Variants in DNAH11 observed in about 807,000 individuals in gnomAD.
The protein encoded by DNAH11 is axonemal beta dynein heavy chain 11.
Under a neutral mutation model 526.0 loss-of-function variants are expected in DNAH11, and 442 were observed. The observed-to-expected ratio is 0.84, with a 90% CI of 0.78 to 0.91. The LOEUF is 0.91. Among genes scored for constraint, DNAH11 ranks in the 40% least tolerant of loss-of-function variants. DNAH11 has a pLI of 0.00. For missense variants in DNAH11, 6,989 were observed against 5,448.7 expected (o/e 1.28, Z -8.90); for synonymous variants, 2,461 against 1,935.9 (o/e 1.27, Z -7.12).
intron 24 of DNAH11, 105 bp from the exon 25 acceptor site, chr7:21,619,851 T>C: frequency 9.3e-7 from 1 of 1,072,552 alleles, no homozygotes; most frequent in East Asian, 2.7e-5. Flanking sequence ...ATACTTGATA[T>C]CAGTTTGCAT....
chr7:21,796,813 C>T (rs779601927), intron 61 of DNAH11, among the ~76,000 whole-genome samples: 1 of 152,238 alleles, frequency 6.6e-6, no homozygotes, highest in Non-Finnish European at 1.5e-5. Flanking sequence ...ACTTAACGAA[C>T]TGATCAAATG....
intron 65 of DNAH11, among the ~76,000 whole-genome samples, 152 bp from the exon 66 acceptor site, chr7:21,842,392 G>A (rs1315707606): frequency 6.6e-6 from 1 of 152,126 alleles, no homozygotes; most frequent in Non-Finnish European, 1.5e-5. Flanking sequence ...TGATCCTGCT[G>A]TACTTTAGGA....
intron 65 of DNAH11, 99 bp from the exon 66 acceptor site, chr7:21,842,444 TG>T: frequency 9.9e-7 from 1 of 1,011,858 alleles, no homozygotes; most frequent in Non-Finnish European, 1.4e-6. Context: ...CCTGAGCTTC[TG>T]GCCAAGGTCC....
intron 28 of DNAH11, among the ~76,000 whole-genome samples, chr7:21,653,703 A>C (rs1039320992): frequency 3.9e-5 from 6 of 152,170 alleles, no homozygotes; most frequent in African/African-American, 1.4e-4. Flanking sequence ...AATAGAACCC[A>C]AGCTGTGATC....
chr7:21,745,954 G>C (rs1050466735), intron 51 of DNAH11, among the ~76,000 whole-genome samples: 4 of 152,194 alleles, frequency 2.6e-5, no homozygotes, highest in African/African-American at 7.2e-5. Flanking sequence ...TTGAGATACA[G>C]AAAAGAAGAT....
intron 30 of DNAH11, among the ~76,000 whole-genome samples, chr7:21,674,792 C>T (rs1321831892): frequency 6.6e-6 from 1 of 152,030 alleles, no homozygotes; most frequent in African/African-American, 2.4e-5. Flanking sequence ...ACACGCACAC[C>T]CAATCTAAAA....
chr7:21,590,965 A>G lies in DNAH11; in HGVS notation c.2217A>G (p.Lys739=). The G allele has an allele frequency of 6.6e-7, 1 of 1,519,672 alleles. No homozygotes were observed. The highest frequency in any genetic ancestry group is 8.7e-7 in the Non-Finnish European group (1 of 1,144,080). The allele number at this position is 1,519,672 out of a possible 1,614,324, so 94.1% of individuals were successfully genotyped here. A position where few individuals can be genotyped will look rare whatever the true frequency, so the allele number is the denominator to read the frequency against. The change falls in exon 13 of 82, where the codon AAA becomes AAG. Residue 739 remains lysine (K), a synonymous_variant. Transcript: ENST00000409508. ...REVKYLLMLK[K]QDIPDSALAI... ...TGAAATATCTTTTGATGTTGAAGAA[A>G]CAAGACATACCAGATTCAGCTTTAG...
At position 21,852,456 on chromosome 7, in the gene DNAH11, G is replaced by A. The variant is rs1229589927; in HGVS notation, c.10897-11G>A. On this transcript the variant is annotated splice_polypyrimidine_tract_variant and intron_variant, in intron 66 of 81. Transcript: ENST00000409508. ...ACCACCATTTCCCACACTTTTCTTGGTTTTTATTAGTTGGTATTGACAAAG... is the reference window on the plus strand; with the variant it reads ...ACCACCATTTCCCACACTTTTCTTGATTTTTATTAGTTGGTATTGACAAAG... 1 of 1,600,596 alleles carries A rather than the reference G, an allele frequency of 6.2e-7. No individual in the cohort carries two copies. The highest frequency in any genetic ancestry group is 1.1e-5 in the South Asian group (1 of 88,500).
Position 21,616,199 on chromosome 7 carries a change from G to A in DNAH11, c.4012-10G>A, listed in dbSNP as rs943176979. On this transcript the variant is annotated splice_polypyrimidine_tract_variant and intron_variant, in intron 21 of 81. Transcript: ENST00000409508. ...GTTGTTGACACTTTTATCTGCTTTT[G>A]CGTTTTCAGAGAAGCATTGATAATT... 1.9e-6 allele frequency: 3 copies of A among 1,611,564 alleles called. No individual in the cohort carries two copies. The South Asian group carries it at 3.3e-5, about 18-fold the overall frequency.
At chr7:21,631,153 C>G (rs1786584871) in intron 25 of DNAH11, among the ~76,000 whole-genome samples, 1 of 152,188 alleles carries the variant, frequency 6.6e-6, no homozygotes, top group Non-Finnish European at 1.5e-5. Context: ...TCTCCCCTTT[C>G]TAAAACCATC....
rs552756538 is a variant in DNAH11, at chr7:21,759,878, A to T, written c.8941-5550A>T. Reference sequence around the variant, plus strand: ...TCATAACACCTGTGTGGGCAAAAGAAAAAAAGAATAGAAAATTCTATGGTA... The same window carrying T: ...TCATAACACCTGTGTGGGCAAAAGATAAAAAGAATAGAAAATTCTATGGTA... On this transcript the variant is annotated intron_variant, in intron 54 of 81. Transcript: ENST00000409508. 3.2e-4 allele frequency among the ~76,000 whole-genome samples: 48 copies of T among 152,380 alleles called. 1 individual carries two copies. The South Asian group carries it at 9.1e-3, about 29-fold the overall frequency.
At chr7:21,820,461 A>G (rs1013880265) in intron 65 of DNAH11, among the ~76,000 whole-genome samples, 5 of 152,324 alleles carry the variant, frequency 3.3e-5, no homozygotes, top group Admixed American at 2.0e-4. Context: ...TTAAGTAGGT[A>G]TTTGTGAGGT....
chr7:21,712,941 G>T (rs1031122711), intron 42 of DNAH11, among the ~76,000 whole-genome samples: 1 of 152,108 alleles, frequency 6.6e-6, no homozygotes, highest in East Asian at 1.9e-4. Flanking sequence ...AATATTTGTT[G>T]AGTAAGTGAA....
chr7:21,665,865 T>C (rs1782402634), intron 30 of DNAH11, among the ~76,000 whole-genome samples: 1 of 152,124 alleles, frequency 6.6e-6, no homozygotes, highest in African/African-American at 2.4e-5. Context: ...AGCTAACATT[T>C]GAATTCTGCT....
At chr7:21,607,802 G>C (rs901469199) in intron 20 of DNAH11, among the ~76,000 whole-genome samples, 1 of 151,898 alleles carries the variant, frequency 6.6e-6, no homozygotes, top group African/African-American at 2.4e-5. Context: ...GCTGGGCATG[G>C]TGGTGGGTGC....
intron 65 of DNAH11, among the ~76,000 whole-genome samples, chr7:21,837,271 G>T (rs1194142990): frequency 2.0e-5 from 3 of 152,148 alleles, no homozygotes; most frequent in Non-Finnish European, 4.4e-5. Flanking sequence ...ATGTCAAAAA[G>T]ATATCTGCAC....
chr7:21,752,112 A>G (rs898250235), intron 54 of DNAH11, among the ~76,000 whole-genome samples: 1 of 152,270 alleles, frequency 6.6e-6, no homozygotes, highest in Non-Finnish European at 1.5e-5. Flanking sequence ...AAGGCCTCCA[A>G]GTGATTCAGA....
At chr7:21,623,831 G>C (rs1786198468) in intron 25 of DNAH11, among the ~76,000 whole-genome samples, 1 of 151,350 alleles carries the variant, frequency 6.6e-6, no homozygotes, top group Non-Finnish European at 1.5e-5. Context: ...GGGGGGAGGA[G>C]GGAGGGATAG....
intron 34 of DNAH11, among the ~76,000 whole-genome samples, chr7:21,689,822 A>G (rs891329172): frequency 4.6e-5 from 7 of 152,306 alleles, no homozygotes; most frequent in Middle Eastern, 3.4e-3. Context: ...CTCCCCTCTC[A>G]GCAATGCAAG....
Sources: allele counts gnomAD v4.1 joint callset (sites outside exome capture counted in the v4.1 genomes callset), GRCh38; gene constraint gnomAD v4.1.1; transcripts MANE v1.5; gene names NCBI Gene and HGNC (gene_info 2026-07-23, HGNC 2026-07-21).